The following CBL variants were observed in gnomAD, a reference collection of about 807,000 sequenced individuals.
CBL encodes the protein Cbl proto-oncogene, also known as E3 ubiquitin-protein ligase CBL.
In CBL, 45 loss-of-function variants were observed where a neutral mutation model predicts 96.9. That is an observed-to-expected ratio of 0.46 (90% CI 0.37 to 0.60). The LOEUF is 0.60. Ranked by LOEUF, CBL falls within the 20% of genes least tolerant of loss-of-function variation. The pLI is 0.00. For missense variants in CBL, 1,024 were observed against 1,143.5 expected, an observed-to-expected ratio of 0.90 and a Z score of 1.51; for synonymous variants, 420 against 426.8, an observed-to-expected ratio of 0.98 and a Z score of 0.20.
chr11:119,275,899 T>C, intron 5 of CBL, 98 bp from the exon 6 acceptor site: 6 of 1,139,874 alleles, frequency 5.3e-6, no homozygotes, highest in Admixed American at 1.7e-5. Context: ...GTTATTGTTA[T>C]TCTTGATGGT....
chr11:119,264,427 TCTTCTCTTCTCTTCTTTCTC>T (rs1214935705), intron 2 of CBL, among the ~76,000 whole-genome samples: 29 of 100,880 alleles, frequency 2.9e-4, no homozygotes, highest in African/African-American at 7.5e-4. Flanking sequence ...TCTTCTCTTC[TCTTCTCTTCTCTTCTTTCTC>T]TTCTCTTCTC....
chr11:119,304,968 T>C lies in CBL; in HGVS notation c.*5187T>C, dbSNP rs573819938. 6 of 204,418 alleles carry C rather than the reference T, an allele frequency of 2.9e-5. No individual in the cohort carries two copies. In the East Asian group the frequency reaches 4.4e-4, roughly 15 times the overall value. 12.7% of individuals were successfully genotyped at this position (204,418 alleles called of 1,614,324 possible). A position where few individuals can be genotyped will look rare whatever the true frequency, so the allele number is the denominator to read the frequency against. On this transcript the variant is annotated 3_prime_UTR_variant, in exon 16 of 16. Transcript: ENST00000264033. ...AAAAAACTACACTCAGCCCAGCACA[T>C]TGATCAAGTATCTATCTCTGAGCAG...
intron 2 of CBL, among the ~76,000 whole-genome samples, chr11:119,264,639 GC>G (rs1040119170): frequency 1.3e-5 from 2 of 150,422 alleles, no homozygotes; most frequent in Non-Finnish European, 3.0e-5. Context: ...ATGCCACCAT[GC>G]CCAGCTGATT....
intron 2 of CBL, among the ~76,000 whole-genome samples, chr11:119,253,351 C>T (rs1949684955): frequency 6.7e-6 from 1 of 148,714 alleles, no homozygotes. Flanking sequence ...TGCACCGTGG[C>T]ATATGCCTGT....
intron 2 of CBL, among the ~76,000 whole-genome samples, chr11:119,253,865 TATC>T (rs1949690560): frequency 1.3e-5 from 2 of 148,792 alleles, no homozygotes; most frequent in Admixed American, 6.7e-5. Context: ...AAAACAAAAA[TATC>T]ATCAGCCAGT....
In CBL at chr11:119,299,544, G is replaced by A. The variant is rs149533467; in HGVS notation, c.2484G>A (p.Pro828=). The change falls in exon 16 of 16, where the codon CCG becomes CCA. Residue 828 remains proline, a synonymous_variant. Transcript: ENST00000264033. The part of the protein sequence containing the change: ...QVPERPPKPF[P]RRINSERKAG... ...CCGAGAGGCCTCCAAAACCATTCCC[G>A]CGGAGAATCAACTCTGAACGGAAAG... 490 of 1,614,068 alleles carry A rather than the reference G, an allele frequency of 3.0e-4. No individual in the cohort carries two copies. In the African/African-American group the frequency reaches 5.8e-3, roughly 19 times the overall value.
At chr11:119,245,956 C>CTTTTTTTTTTTTTTTTTTTTTTTTTTTT (rs71048054) in intron 2 of CBL, among the ~76,000 whole-genome samples, 1 of 54,284 alleles carries the variant, frequency 1.8e-5, no homozygotes. Context: ...CTTTGCAAAT[C>CTTTTTTTTTTTTTTTTTTTTTTTTTTTT]TTTTTTTTTT....
chr11:119,282,506 G>A (rs555067184), intron 9 of CBL, among the ~76,000 whole-genome samples: 46 of 152,292 alleles, frequency 3.0e-4, no homozygotes, highest in African/African-American at 9.4e-4. Context: ...TACGGAAGTC[G>A]AAATAATCAT....
chr11:119,264,523 C>G (rs181063037), intron 2 of CBL, among the ~76,000 whole-genome samples: 72 of 151,574 alleles, frequency 4.8e-4, no homozygotes, highest in African/African-American at 1.7e-3. Context: ...TCTCTGTTTG[C>G]CCAGGCTGGA....
intron 3 of CBL, among the ~76,000 whole-genome samples, chr11:119,272,936 G>C (rs943055119): frequency 2.0e-5 from 3 of 150,430 alleles, no homozygotes; most frequent in African/African-American, 7.3e-5. Context: ...CATCAAGCTT[G>C]TATTTTTAAG....
At chr11:119,223,460 C>T (rs939328128) in intron 1 of CBL, among the ~76,000 whole-genome samples, 13 of 151,194 alleles carry the variant, frequency 8.6e-5, no homozygotes, top group African/African-American at 2.7e-4. Flanking sequence ...GACAGAGTCT[C>T]GCTCTGTCAC....
intron 2 of CBL, among the ~76,000 whole-genome samples, chr11:119,266,832 C>T (rs941106048): frequency 3.9e-5 from 6 of 152,202 alleles, no homozygotes; most frequent in Non-Finnish European, 8.8e-5. Flanking sequence ...AAAGCCAGTA[C>T]TGCTCGCTGC....
rs397507491 is a variant in CBL, at chr11:119,278,269, T to C, written c.1199T>C (p.Met400Thr). 6.2e-7 allele frequency: 1 copy of C among 1,614,054 alleles called. No individual in the cohort carries two copies. Among genetic ancestry groups the C allele is most frequent in the Non-Finnish European group, 8.5e-7 (1 of 1,179,900 alleles). Residue 400 changes from methionine (M) to threonine (T), a missense_variant, in exon 8 of 16, where the codon ATG becomes ACG. By Grantham distance (81) the Met-to-Thr change is moderately conservative. Around this residue, in one of 4 missense-constraint regions of CBL, gnomAD observed 695 missense variants for 661.6 expected, o/e 1.05. Transcript: ENST00000264033. ...AAGATTGAGCCCTGTGGACACCTCA[T>C]GTGCACATCCTGTCTTACATCCTGG... is the stretch of plus-strand genomic sequence containing the variant. ...DVKIEPCGHL[M>T]CTSCLTSWQE... is the part of the protein sequence containing the mutation.
chr11:119,273,229 T>G (rs1210087963), intron 3 of CBL, among the ~76,000 whole-genome samples: 1 of 152,062 alleles, frequency 6.6e-6, no homozygotes, highest in Non-Finnish European at 1.5e-5. Flanking sequence ...AGTACTAGGA[T>G]TACAAGCGTG....
At position 119,273,871 on chromosome 11, in the gene CBL, A is replaced by G. The variant is rs2135298740; in HGVS notation, c.594A>G (p.Thr198=). ...EFWRKAFGEK[T]IVPWKSFRQA... Reference sequence around the variant, plus strand: ...CTCCTCTCCACCCCCTCCCCAGGACAATAGTCCCTTGGAAGAGCTTTCGAC... The same window carrying G: ...CTCCTCTCCACCCCCTCCCCAGGACGATAGTCCCTTGGAAGAGCTTTCGAC... Residue 198 remains threonine, a synonymous_variant, in exon 4 of 16, where the codon ACA becomes ACG. Transcript: ENST00000264033. 6.2e-7 allele frequency: 1 copy of G among 1,613,730 alleles called. No individual in the cohort carries two copies. Among genetic ancestry groups the G allele is most frequent in the Non-Finnish European group, 8.5e-7 (1 of 1,179,632 alleles).
rs1555226234 is a variant in CBL, at chr11:119,225,728, T to TTC, written c.196-6719_196-6718insCT. Among the ~76,000 whole-genome samples, 15 of 143,484 alleles carry TTC rather than the reference T, an allele frequency of 1.0e-4. 1 individual carries two copies. Among genetic ancestry groups the TTC allele is most frequent in the African/African-American group, 3.1e-4 (12 of 38,498 alleles). The allele number at this position is 143,484 out of a possible 152,430, so 94.1% of individuals were successfully genotyped here. A position where few individuals can be genotyped will look rare whatever the true frequency, so the allele number is the denominator to read the frequency against. ...TCCAGCCAATATAAATATTTTCTTTTTTTTTTTTTTTTTTTTGAGACAGAG... is the reference window on the plus strand; with the variant it reads ...TCCAGCCAATATAAATATTTTCTTTTTCTTTTTTTTTTTTTTTTGAGACAGAG... On this transcript the variant is annotated intron_variant, in intron 1 of 15. Coordinates refer to ENST00000264033, the MANE Select transcript of CBL (RefSeq NM_005188.4).
chr11:119,285,342 C>T lies in CBL; in HGVS notation c.1717C>T (p.Pro573Ser), dbSNP rs996627039. ...CTTGCCTTGTACACCAGGCGACTGT[C>T]CCTCCAGAGACAAACTGCCCCCTGT... is the stretch of plus-strand genomic sequence containing the variant. Reference protein sequence around the residue: ...RPLPCTPGDCPSRDKLPPVPS... With the variant: ...RPLPCTPGDCSSRDKLPPVPS... The change falls in exon 11 of 16, where the codon CCC becomes TCC. Residue 573 changes from proline to serine, a missense_variant. Physicochemically the swap from Pro to Ser is moderately conservative, Grantham distance 74 (BLOSUM62 -1). Coordinates refer to ENST00000264033, the MANE Select transcript of CBL (RefSeq NM_005188.4). 6.2e-7 allele frequency: 1 copy of T among 1,614,068 alleles called. No homozygotes were observed. Among genetic ancestry groups the T allele is most frequent in the African/African-American group, 1.3e-5 (1 of 74,932 alleles).
chr11:119,296,325 C>T (rs1251361902), intron 12 of CBL, among the ~76,000 whole-genome samples: 1 of 151,966 alleles, frequency 6.6e-6, no homozygotes, highest in South Asian at 2.1e-4. Context: ...TCATTTCATG[C>T]GGTGGCAGAA....
intron 1 of CBL, among the ~76,000 whole-genome samples, chr11:119,226,953 A>T (rs764857306): frequency 6.6e-6 from 1 of 152,124 alleles, no homozygotes; most frequent in Non-Finnish European, 1.5e-5. Context: ...CTATGCTTTA[A>T]TCTCACTGAC....
Sources: gnomAD v4.1 joint callset for allele counts (sites outside exome capture counted in the v4.1 genomes callset) on GRCh38, gnomAD v4.1.1 for gene constraint, gnomAD v4.1.1 regional missense constraint, MANE v1.5 for transcripts, NCBI Gene and HGNC (gene_info 2026-07-23, HGNC 2026-07-21) for gene names.